The following ZNF638 variants were observed in gnomAD, a reference collection of about 807,000 sequenced individuals.
ZNF638 encodes zinc finger protein 638.
In ZNF638, 46 loss-of-function variants were observed where a neutral mutation model predicts 195.6. The ratio of observed to expected loss-of-function variants is 0.24; its 90% confidence interval spans 0.19 to 0.30. ZNF638 has a LOEUF of 0.30. Among genes scored for constraint, ZNF638 ranks in the 10% least tolerant of loss-of-function variants. ZNF638 has a pLI of 1.00. For missense variants in ZNF638, 2,440 were observed against 2,325.3 expected (o/e 1.05, Z -1.01); for synonymous variants, 845 against 772.0 (o/e 1.09, Z -1.57).
Position 71,400,069 on chromosome 2 carries a change from A to G in ZNF638, c.2588-43A>G, listed in dbSNP as rs764443849. The G allele has an allele frequency of 9.6e-6, 14 of 1,465,028 alleles. No individual in the cohort carries two copies. In the South Asian group the frequency reaches 1.8e-4, roughly 19 times the overall value. 90.8% of individuals were successfully genotyped at this position (1,465,028 alleles called of 1,614,324 possible). On this transcript the variant is annotated intron_variant, in intron 13 of 27. Coordinates refer to ENST00000264447, the MANE Select transcript of ZNF638 (RefSeq NM_014497.5). ...TGTTTAGATTCATTAGTTTAATTAT[A>G]TTAGTGTTTTACTAGACTATTAAAG...
At chr2:71,422,630 A>C (rs1286968377) in intron 21 of ZNF638, among the ~76,000 whole-genome samples, 184 bp from the exon 22 acceptor site, 3 of 152,222 alleles carry the variant, frequency 2.0e-5, no homozygotes, top group Admixed American at 2.0e-4. Flanking sequence ...ACGTATTTCC[A>C]GCAATACATC....
intron 1 of ZNF638, among the ~76,000 whole-genome samples, chr2:71,335,801 A>G (rs1479108052): frequency 1.3e-5 from 2 of 152,218 alleles, no homozygotes; most frequent in African/African-American, 4.8e-5. Context: ...ATTAATTTTA[A>G]TGTCAGATAT....
At chr2:71,355,882 A>G in intron 3 of ZNF638, 102 bp downstream of exon 3, 1 of 559,392 alleles carries the variant, frequency 1.8e-6, no homozygotes, top group Non-Finnish European at 2.9e-6. Context: ...TTGGAGAAAA[A>G]TATTTTTGGA....
intron 4 of ZNF638, 26 bp from the exon 5 acceptor site, chr2:71,363,928 T>A: frequency 6.3e-7 from 1 of 1,585,078 alleles, no homozygotes; most frequent in Non-Finnish European, 8.6e-7. Context: ...TGCTGATCAC[T>A]TTCTTTTCCG....
intron 1 of ZNF638, among the ~76,000 whole-genome samples, chr2:71,347,642 A>G (rs1383810008): frequency 6.6e-6 from 1 of 152,172 alleles, no homozygotes; most frequent in Non-Finnish European, 1.5e-5. Context: ...ATGCTCATAC[A>G]TTTTTTAATT....
intron 19 of ZNF638, among the ~76,000 whole-genome samples, chr2:71,406,680 ATTTG>A (rs1424883399): frequency 6.6e-6 from 1 of 152,134 alleles, no homozygotes; most frequent in African/African-American, 2.4e-5. Context: ...AGTTAGGTCT[ATTTG>A]TTTGTTTATA....
intron 1 of ZNF638, among the ~76,000 whole-genome samples, chr2:71,343,273 G>A (rs2078793173): frequency 1.3e-5 from 2 of 152,170 alleles, no homozygotes; most frequent in Non-Finnish European, 1.5e-5. Flanking sequence ...GTAGCCTGGT[G>A]ACTGTCATGT....
intron 21 of ZNF638, among the ~76,000 whole-genome samples, 192 bp from the exon 22 acceptor site, chr2:71,422,622 G>A (rs577381777): frequency 1.3e-5 from 2 of 152,124 alleles, no homozygotes; most frequent in African/African-American, 2.4e-5. Flanking sequence ...TATTATTTAC[G>A]TATTTCCAGC....
chr2:71,368,269 A>G, intron 6 of ZNF638, 113 bp from the exon 7 acceptor site: 1 of 956,524 alleles, frequency 1.0e-6, no homozygotes, highest in South Asian at 2.6e-5. Flanking sequence ...AAAATATGGA[A>G]AAGACCCTTT....
chr2:71,343,997 G>A (rs533858677), intron 1 of ZNF638, among the ~76,000 whole-genome samples: 252 of 152,308 alleles, frequency 1.7e-3, no homozygotes, highest in Non-Finnish European at 2.5e-3. Flanking sequence ...GGGTGTGGTG[G>A]CACGCACCTG....
At chr2:71,342,385 C>A (rs138904199) in intron 1 of ZNF638, among the ~76,000 whole-genome samples, 2 of 152,038 alleles carry the variant, frequency 1.3e-5, no homozygotes, top group Non-Finnish European at 2.9e-5. Context: ...CTACCACCAC[C>A]ACCGCCCCTT....
rs187194623 is a variant in ZNF638 at position 71,390,740 on chromosome 2, A to G, written c.2378-5401A>G. ...ATAGGATACAGGGGTGAATATTTCG[A>G]TTATTAGTTATCAAAACTGGTCAGA... On this transcript the variant is annotated intron_variant, in intron 10 of 27. Transcript: ENST00000264447. 1.4e-4 allele frequency among the ~76,000 whole-genome samples: 22 copies of G among 152,252 alleles called. No homozygotes were observed. In the East Asian group the frequency reaches 3.9e-3, roughly 27 times the overall value.
intron 2 of ZNF638, among the ~76,000 whole-genome samples, chr2:71,351,038 A>G (rs1046292320): frequency 1.3e-5 from 2 of 152,248 alleles, no homozygotes; most frequent in African/African-American, 4.8e-5. Flanking sequence ...AGGAATTTCC[A>G]AGTAAATTTT....
chr2:71,367,374 C>G (rs111560453), intron 6 of ZNF638, among the ~76,000 whole-genome samples: 71 of 151,044 alleles, frequency 4.7e-4, no homozygotes, highest in African/African-American at 1.7e-3. Context: ...CCTCCTGCCT[C>G]AGGCTCCCAG....
At chr2:71,406,068 GT>G (rs2080099615) in intron 18 of ZNF638, 59 bp from the exon 19 acceptor site, 6 of 1,594,068 alleles carry the variant, frequency 3.8e-6, no homozygotes, top group Non-Finnish European at 5.1e-6. Context: ...ATGTTAATCT[GT>G]TTTACCGTTT....
intron 6 of ZNF638, 89 bp from the exon 7 acceptor site, chr2:71,368,293 T>G: frequency 3.9e-6 from 5 of 1,268,064 alleles, no homozygotes; most frequent in Non-Finnish European, 5.4e-6. Flanking sequence ...GTACTAATAT[T>G]AGTGGTAGAA....
chr2:71,334,436 C>G (rs954528805), intron 1 of ZNF638: 1 of 152,162 alleles, frequency 6.6e-6, no homozygotes. Flanking sequence ...ATGTTTGTGG[C>G]TAAAGCTAAT....
intron 3 of ZNF638, among the ~76,000 whole-genome samples, chr2:71,356,386 A>G (rs1422731973): frequency 6.6e-6 from 1 of 151,962 alleles, no homozygotes; most frequent in Non-Finnish European, 1.5e-5. Context: ...ATCAAATTAA[A>G]CTCTGTCTTC....
At position 71,426,788 on chromosome 2, in the gene ZNF638, A is replaced by G. The variant is rs2080548974; in HGVS notation, c.4919A>G (p.Asn1640Ser). The change falls in exon 24 of 28, where the codon AAT becomes AGT. Residue 1640 changes from asparagine to serine, a missense_variant. Transcript: ENST00000264447. Reference sequence around the variant, plus strand: ...ATGGAAGAAATGGTAAAAAATTCAAATTCACTTTTTACATTAGATGAATTA... The same window carrying G: ...ATGGAAGAAATGGTAAAAAATTCAAGTTCACTTTTTACATTAGATGAATTA... ...LNMEEMVKNSNSLFTLDELID... is the reference protein window; with the variant it reads ...LNMEEMVKNSSSLFTLDELID... The G allele has an allele frequency of 1.2e-6, 2 of 1,613,136 alleles. No individual in the cohort carries two copies. Among genetic ancestry groups the G allele is most frequent in the Non-Finnish European group, 1.7e-6 (2 of 1,179,566 alleles).
Sources: gnomAD v4.1 joint callset for allele counts (sites outside exome capture counted in the v4.1 genomes callset) on GRCh38, gnomAD v4.1.1 for gene constraint, MANE v1.5 for transcripts, NCBI Gene and HGNC (gene_info 2026-07-23, HGNC 2026-07-21) for gene names.